TTR: variants seen among roughly 807,000 people sequenced by gnomAD.
TTR encodes the protein transthyretin.
A neutral mutation model predicts 13.7 loss-of-function variants in TTR; 8 were observed. That is an observed-to-expected ratio of 0.58 (90% CI 0.34 to 1.05). The LOEUF (loss-of-function observed/expected upper bound fraction) is 1.05, where lower values mean the gene tolerates loss of function less well. Among genes scored for constraint, TTR ranks in the 50% least tolerant of loss-of-function variants. TTR has a pLI of 0.02. For synonymous variants in TTR, 75 were observed against 71.7 expected (o/e 1.05, Z -0.23); for missense variants, 135 against 185.5 (o/e 0.73, Z 1.58).
intron 3 of TTR, chr18:31,598,000 G>T: frequency 5.3e-6 from 1 of 188,926 alleles, no homozygotes; most frequent in African/African-American, 2.3e-5. Context: ...TCTTCTTCAT[G>T]TTAGAAAATG....
In TTR at chr18:31,595,580, G is replaced by C. The variant is rs149475472; in HGVS notation, c.336+325G>C. 638 of 425,578 alleles carry C rather than the reference G, an allele frequency of 1.5e-3. 5 individuals carry two copies. The highest frequency in any genetic ancestry group is 0.012 in the African/African-American group (591 of 49,128). The allele number at this position is 425,578 out of a possible 1,614,324, so 26.4% of individuals were successfully genotyped here. A position where few individuals can be genotyped will look rare whatever the true frequency, so the allele number is the denominator to read the frequency against. On this transcript the variant is annotated intron_variant, in intron 3 of 3. Transcript: ENST00000237014. ...GAGGCAGCCCTCCAGACCCCACGTA[G>C]AGTGTATGTAACAAGAGATGCACCA...
At chr18:31,593,208 C>A (rs2073495800) in intron 2 of TTR, 182 bp downstream of exon 2, 1 of 743,436 alleles carries the variant, frequency 1.3e-6, no homozygotes, top group Middle Eastern at 4.3e-4. Context: ...TAGGAAGTGA[C>A]CAGGAACCTG....
At chr18:31,596,000 G>A (rs2073514820) in intron 3 of TTR, 1 of 155,984 alleles carries the variant, frequency 6.4e-6, no homozygotes, top group South Asian at 2.0e-4. Context: ...TATGCCCCAG[G>A]AAACTTTTTC....
Position 31,595,945 on chromosome 18 carries a change from T to G in TTR, c.336+690T>G, listed in dbSNP as rs1567946340. The G allele has an allele frequency of 3.0e-5, 5 of 166,588 alleles. No homozygotes were observed. In the Middle Eastern group the frequency reaches 2.2e-3, roughly 72 times the overall value. 10.3% of individuals were successfully genotyped at this position (166,588 alleles called of 1,614,324 possible). On this transcript the variant is annotated intron_variant, in intron 3 of 3. Coordinates refer to ENST00000237014, the MANE Select transcript of TTR (RefSeq NM_000371.4). ...ATACACAAGTAGAAATGTTTACAAT[T>G]AAGGCCCAGGCTGGGTTTGCCCTCA... is the stretch of plus-strand genomic sequence containing the variant.
At chr18:31,592,098 A>G in intron 1 of TTR, 127 bp downstream of exon 1, 1 of 916,542 alleles carries the variant, frequency 1.1e-6, no homozygotes, top group Non-Finnish European at 1.7e-6. Flanking sequence ...TCTATTTTTA[A>G]TATAATTAAT....
chr18:31,594,298 T>C (rs2073504357), intron 2 of TTR, among the ~76,000 whole-genome samples: 1 of 152,174 alleles, frequency 6.6e-6, no homozygotes, highest in Non-Finnish European at 1.5e-5. Context: ...GAAATAGAAG[T>C]TGCCTAGTGT....
chr18:31,595,850 C>A, intron 3 of TTR: 1 of 185,800 alleles, frequency 5.4e-6, no homozygotes, highest in Non-Finnish European at 1.1e-5. Flanking sequence ...ATTATTATCC[C>A]CATCTTATAG....
chr18:31,596,705 C>T (rs1024487317), intron 3 of TTR, among the ~76,000 whole-genome samples: 21 of 150,580 alleles, frequency 1.4e-4, no homozygotes, highest in Admixed American at 1.2e-3. Flanking sequence ...ATGTGTGGAA[C>T]ACTCTGCTAG....
chr18:31,594,242 T>C (rs1030335120), intron 2 of TTR, among the ~76,000 whole-genome samples: 1 of 152,124 alleles, frequency 6.6e-6, no homozygotes, highest in African/African-American at 2.4e-5. Flanking sequence ...TGCAGTCAAA[T>C]GGGAAGCAAT....
Position 31,598,639 on chromosome 18 carries a change from T to C in TTR, c.408T>C (p.Tyr136=), listed in dbSNP as rs1454790119. 1.2e-6 allele frequency: 2 copies of C among 1,614,056 alleles called. No individual in the cohort carries two copies. The highest frequency in any genetic ancestry group is 2.7e-5 in the African/African-American group (2 of 74,934). ...TIAALLSPYS[Y]STTAVVTNPK... ...CCGCCCTGCTGAGCCCCTACTCCTA[T>C]TCCACCACGGCTGTCGTCACCAATC... Residue 136 remains tyrosine (Y), a synonymous_variant, in exon 4 of 4, where the codon TAT becomes TAC. Coordinates refer to ENST00000237014, the MANE Select transcript of TTR (RefSeq NM_000371.4).
Position 31,595,171 on chromosome 18 carries a change from T to G in TTR, c.252T>G (p.Phe84Leu), listed in dbSNP as rs2073510805. 2 of 1,614,176 alleles carry G rather than the reference T, an allele frequency of 1.2e-6. No homozygotes were observed. Among genetic ancestry groups the G allele is most frequent in the Non-Finnish European group, 1.7e-6 (2 of 1,180,032 alleles). Residue 84 changes from phenylalanine to leucine, a missense_variant, in exon 3 of 4, where the codon TTT (phenylalanine) becomes TTG (leucine). Transcript: ENST00000237014. ...ELHGLTTEEE[F>L]VEGIYKVEID... ...ATGGGCTCACAACTGAGGAGGAATTTGTAGAAGGGATATACAAAGTGGAAA... is the reference window on the plus strand; with the variant it reads ...ATGGGCTCACAACTGAGGAGGAATTGGTAGAAGGGATATACAAAGTGGAAA...
At chr18:31,593,238 C>T (rs2073496009) in intron 2 of TTR, 1 of 568,160 alleles carries the variant, frequency 1.8e-6, no homozygotes, top group Non-Finnish European at 3.0e-6. Context: ...TAGGGGCAGA[C>T]AGTAGAGAAA....
At chr18:31,592,044 G>A in intron 1 of TTR, 73 bp downstream of exon 1, 2 of 1,537,894 alleles carry the variant, frequency 1.3e-6, no homozygotes, top group Non-Finnish European at 1.8e-6. Context: ...ACTCCTTCCA[G>A]CTTTGCCAAC....
In TTR at chr18:31,593,051, C is replaced by G. The variant is rs376200295; in HGVS notation, c.200+25C>G. 31 of 1,613,096 alleles carry G rather than the reference C, an allele frequency of 1.9e-5. No homozygotes were observed. The African/African-American group carries it at 3.5e-4, about 18-fold the overall frequency. Reference sequence around the variant, plus strand: ...GGTAAGTTGCCAAAGAACCCTCCCACAGGACTTGGTTTTATCTTCCCGTTT... The same window carrying G: ...GGTAAGTTGCCAAAGAACCCTCCCAGAGGACTTGGTTTTATCTTCCCGTTT... On this transcript the variant is annotated intron_variant, in intron 2 of 3. Coordinates refer to ENST00000237014, the MANE Select transcript of TTR (RefSeq NM_000371.4).
intron 3 of TTR, chr18:31,596,106 A>AC (rs1402569793): frequency 2.6e-5 from 4 of 154,562 alleles, no homozygotes; most frequent in Non-Finnish European, 5.8e-5. Flanking sequence ...TTATACATGG[A>AC]CCCAGTCCCC....
At chr18:31,595,483 G>A (rs1473244120) in intron 3 of TTR, 1 of 661,752 alleles carries the variant, frequency 1.5e-6, no homozygotes, top group East Asian at 3.0e-5. Flanking sequence ...GAACTTACAT[G>A]AAACTACTCA....
chr18:31,593,051 C>T, intron 2 of TTR, 25 bp downstream of exon 2: 1 of 1,613,214 alleles, frequency 6.2e-7, no homozygotes. Context: ...AACCCTCCCA[C>T]AGGACTTGGT....
At chr18:31,595,014 C>T in intron 2 of TTR, 106 bp from the exon 3 acceptor site, 1 of 1,257,624 alleles carries the variant, frequency 8.0e-7, no homozygotes, top group South Asian at 1.3e-5. Context: ...ATGTTCATAA[C>T]ATGTTTATAA....
Position 31,598,764 on chromosome 18 carries a change from C to A in TTR, c.*89C>A. ...CATTTTTACTAAAGCAGTGTTTTCA[C>A]CTCATATGCTATGTTAGAAGTCCAG... On this transcript the variant is annotated 3_prime_UTR_variant, in exon 4 of 4. Coordinates refer to ENST00000237014, the MANE Select transcript of TTR (RefSeq NM_000371.4). The A allele has an allele frequency of 7.6e-7, 1 of 1,319,712 alleles. No individual in the cohort carries two copies. Among genetic ancestry groups the A allele is most frequent in the Non-Finnish European group, 1.1e-6 (1 of 929,014 alleles). 81.8% of individuals were successfully genotyped at this position (1,319,712 alleles called of 1,614,324 possible).
Sources: gnomAD v4.1 joint callset for allele counts (sites outside exome capture counted in the v4.1 genomes callset) on GRCh38, gnomAD v4.1.1 for gene constraint, MANE v1.5 for transcripts, NCBI Gene and HGNC (gene_info 2026-07-23, HGNC 2026-07-21) for gene names.